SH3PXD2A: variants seen among roughly 807,000 people sequenced by gnomAD.
The protein encoded by SH3PXD2A is SH3 and PX domains 2A, also known as SH3 and PX domain-containing protein 2A.
SH3PXD2A carries 32 observed loss-of-function variants against 115.2 expected under a neutral mutation model. That is an observed-to-expected ratio of 0.28 (90% confidence interval 0.21 to 0.37). SH3PXD2A has a LOEUF of 0.37. Among genes scored for constraint, SH3PXD2A ranks in the 10% least tolerant of loss-of-function variants. The pLI, the probability that SH3PXD2A is intolerant of heterozygous loss-of-function variation, is 1.00. For missense variants in SH3PXD2A, 1,328 were observed against 1,498.7 expected, an observed-to-expected ratio of 0.89 and a Z score of 1.88; for synonymous variants, 610 against 629.1, an observed-to-expected ratio of 0.97 and a Z score of 0.45.
At chr10:103,660,357 G>T (rs1466995323) in intron 8 of SH3PXD2A, among the ~76,000 whole-genome samples, 1 of 152,252 alleles carries the variant, frequency 6.6e-6, no homozygotes, top group East Asian at 1.9e-4. Flanking sequence ...CAGCTGCCCC[G>T]GGCAGCTGTC....
chr10:103,786,824 C>T (rs571997577), intron 2 of SH3PXD2A, among the ~76,000 whole-genome samples: 23 of 152,246 alleles, frequency 1.5e-4, no homozygotes, highest in African/African-American at 5.5e-4. Context: ...CGGAGAGTCC[C>T]CCCAGCCTGA....
intron 3 of SH3PXD2A, among the ~76,000 whole-genome samples, chr10:103,742,079 G>A (rs1427078720): frequency 2.0e-5 from 3 of 152,196 alleles, no homozygotes; most frequent in African/African-American, 4.8e-5. Flanking sequence ...AGCCTGGGGG[G>A]TTGAGGCTGC....
intron 6 of SH3PXD2A, among the ~76,000 whole-genome samples, chr10:103,676,734 G>A (rs1256862615): frequency 1.3e-5 from 2 of 152,108 alleles, no homozygotes; most frequent in Non-Finnish European, 2.9e-5. Context: ...GCAGCCCCTT[G>A]GGTTGCGGCC....
chr10:103,632,621 G>T (rs917320516), intron 8 of SH3PXD2A, among the ~76,000 whole-genome samples: 3 of 152,194 alleles, frequency 2.0e-5, no homozygotes, highest in Non-Finnish European at 4.4e-5. Context: ...TTTGCTCAGT[G>T]GAGTGCCCAT....
intron 3 of SH3PXD2A, among the ~76,000 whole-genome samples, chr10:103,744,458 T>C (rs546756809): frequency 6.6e-6 from 1 of 152,222 alleles, no homozygotes; most frequent in Admixed American, 6.5e-5. Flanking sequence ...TGGCCCCTGC[T>C]TGTCTTTTTA....
intron 5 of SH3PXD2A, among the ~76,000 whole-genome samples, chr10:103,694,026 A>AC (rs896717133): frequency 6.6e-6 from 1 of 150,814 alleles, no homozygotes; most frequent in African/African-American, 2.4e-5. Flanking sequence ...CACTCCTCCC[A>AC]CCCCCCTCCA....
intron 4 of SH3PXD2A, among the ~76,000 whole-genome samples, chr10:103,726,713 T>C (rs1459178493): frequency 6.6e-6 from 1 of 152,164 alleles, no homozygotes; most frequent in Admixed American, 6.5e-5. Context: ...ATTATAATAT[T>C]GAGGAAGAGG....
intron 9 of SH3PXD2A, among the ~76,000 whole-genome samples, chr10:103,624,700 A>G (rs900581436): frequency 1.3e-5 from 2 of 152,228 alleles, no homozygotes; most frequent in African/African-American, 4.8e-5. Flanking sequence ...TTCTGTCTAC[A>G]GGGCTCAGGG....
chr10:103,660,050 G>A (rs1016886170), intron 8 of SH3PXD2A, among the ~76,000 whole-genome samples: 2 of 152,146 alleles, frequency 1.3e-5, no homozygotes, highest in Non-Finnish European at 2.9e-5. Context: ...GGGACTAGGA[G>A]AGGAGAACAG....
intron 2 of SH3PXD2A, among the ~76,000 whole-genome samples, chr10:103,776,110 G>T (rs920567597): frequency 6.6e-6 from 1 of 152,154 alleles, no homozygotes; most frequent in Non-Finnish European, 1.5e-5. Context: ...TGTATAGCCG[G>T]ACACCGTGGC....
At chr10:103,716,679 C>T (rs1033248738) in intron 5 of SH3PXD2A, among the ~76,000 whole-genome samples, 2 of 152,080 alleles carry the variant, frequency 1.3e-5, no homozygotes, top group Non-Finnish European at 2.9e-5. Flanking sequence ...GTAAGAGGCC[C>T]AAGAAGAAAG....
chr10:103,717,747 G>A (rs989844082), intron 5 of SH3PXD2A, among the ~76,000 whole-genome samples: 1 of 152,230 alleles, frequency 6.6e-6, no homozygotes, highest in Non-Finnish European at 1.5e-5. Flanking sequence ...AGTTGACCAC[G>A]TGGTGAGTCC....
chr10:103,813,433 C>T (rs573715675), intron 1 of SH3PXD2A, among the ~76,000 whole-genome samples: 26 of 152,324 alleles, frequency 1.7e-4, no homozygotes, highest in African/African-American at 6.0e-4. Flanking sequence ...CCTCCCCGCT[C>T]AGCCTCCCCA....
intron 5 of SH3PXD2A, among the ~76,000 whole-genome samples, chr10:103,716,422 G>A (rs2038105904): frequency 6.6e-6 from 1 of 152,234 alleles, no homozygotes; most frequent in Non-Finnish European, 1.5e-5. Flanking sequence ...TTGTTCTACT[G>A]TACAACAGAG....
At chr10:103,788,661 G>C (rs376914438) in intron 2 of SH3PXD2A, among the ~76,000 whole-genome samples, 5 of 152,206 alleles carry the variant, frequency 3.3e-5, no homozygotes, top group African/African-American at 1.2e-4. Flanking sequence ...GAGGTCAGGA[G>C]CTCGAGACCA....
intron 6 of SH3PXD2A, chr10:103,678,063 G>A (rs1467209809): frequency 1.8e-5 from 22 of 1,228,786 alleles, no homozygotes; most frequent in Admixed American, 9.2e-5. Context: ...CCTTCAAAGA[G>A]ATTTTTAGAA....
intron 8 of SH3PXD2A, among the ~76,000 whole-genome samples, chr10:103,642,806 G>C (rs551229367): frequency 6.6e-6 from 1 of 152,284 alleles, no homozygotes; most frequent in Non-Finnish European, 1.5e-5. Flanking sequence ...TGCCTAAGAT[G>C]CGTACATGTA....
intron 6 of SH3PXD2A, chr10:103,673,192 C>T (rs140562013): frequency 6.6e-6 from 1 of 152,298 alleles, no homozygotes; most frequent in Non-Finnish European, 1.5e-5. Context: ...CTCAACTGTT[C>T]CCAGTGAATT....
chr10:103,744,913 C>T (rs1316695824), intron 3 of SH3PXD2A, among the ~76,000 whole-genome samples: 2 of 152,240 alleles, frequency 1.3e-5, no homozygotes, highest in Non-Finnish European at 2.9e-5. Flanking sequence ...TTAATTATTA[C>T]AGTGCCCGAT....
Sources: gnomAD v4.1 joint callset for allele counts (sites outside exome capture counted in the v4.1 genomes callset) on GRCh38, gnomAD v4.1.1 for gene constraint, MANE v1.5 for transcripts, NCBI Gene and HGNC (gene_info 2026-07-23, HGNC 2026-07-21) for gene names.